The following SPAG6 variants were observed in gnomAD, a reference collection of about 807,000 sequenced individuals.
The protein encoded by SPAG6 is sperm associated antigen 6.
SPAG6 carries 49 observed loss-of-function variants against 58.5 expected under a neutral mutation model. The ratio of observed to expected loss-of-function variants is 0.84; its 90% CI spans 0.67 to 1.06. The LOEUF is 1.06. SPAG6 is among the 50% of genes least tolerant of loss of function. The pLI is 0.00. For synonymous variants in SPAG6, 233 were observed against 225.6 expected (o/e 1.03, Z -0.29); for missense variants, 560 against 611.3 (o/e 0.92, Z 0.89).
chr10:22,379,925 G>A (rs1261453600), intron 4 of SPAG6, among the ~76,000 whole-genome samples: 1 of 152,084 alleles, frequency 6.6e-6, no homozygotes, highest in Non-Finnish European at 1.5e-5. Context: ...CTCCCGAGTA[G>A]CTGAGACTAC....
intron 2 of SPAG6, among the ~76,000 whole-genome samples, chr10:22,362,794 C>G (rs1247637489): frequency 6.6e-6 from 1 of 151,868 alleles, no homozygotes; most frequent in African/African-American, 2.4e-5. Context: ...ACAATGTCAG[C>G]CCAAGCCCTG....
At chr10:22,353,295 A>T (rs555808565) in intron 2 of SPAG6, among the ~76,000 whole-genome samples, 14 of 152,210 alleles carry the variant, frequency 9.2e-5, no homozygotes, top group Non-Finnish European at 1.8e-4. Flanking sequence ...GATGGATGTA[A>T]TTAGGTATTT....
intron 6 of SPAG6, 43 bp from the exon 7 acceptor site, chr10:22,389,117 A>T (rs577620043): frequency 6.3e-6 from 10 of 1,585,972 alleles, no homozygotes; most frequent in South Asian, 3.4e-5. Flanking sequence ...TTTAAAGACC[A>T]TCATAGGGTC....
intron 8 of SPAG6, among the ~76,000 whole-genome samples, chr10:22,400,514 G>A (rs931875987): frequency 9.2e-5 from 14 of 151,794 alleles, no homozygotes; most frequent in Non-Finnish European, 4.4e-5. Flanking sequence ...TGCAGGAGGG[G>A]GTAGAAATGG....
intron 4 of SPAG6, among the ~76,000 whole-genome samples, chr10:22,383,483 C>CA (rs1457057925): frequency 6.6e-6 from 1 of 151,716 alleles, no homozygotes; most frequent in Non-Finnish European, 1.5e-5. Context: ...ACTAAAAATA[C>CA]AAAAAATTAG....
chr10:22,388,214 G>T (rs1384069314), intron 6 of SPAG6, among the ~76,000 whole-genome samples: 2 of 151,614 alleles, frequency 1.3e-5, no homozygotes, highest in African/African-American at 2.4e-5. Flanking sequence ...CCTAACCTCT[G>T]CCCACTAGAT....
intron 9 of SPAG6, among the ~76,000 whole-genome samples, chr10:22,407,067 C>A (rs1180846044): frequency 6.6e-6 from 1 of 152,094 alleles, no homozygotes; most frequent in Non-Finnish European, 1.5e-5. Context: ...ATATAGCACA[C>A]TGATGTGTCT....
chr10:22,382,097 C>T (rs779720426), intron 4 of SPAG6, among the ~76,000 whole-genome samples: 5 of 152,072 alleles, frequency 3.3e-5, no homozygotes, highest in South Asian at 2.1e-4. Flanking sequence ...CAAGTTTTTA[C>T]GGATCAAAAA....
At chr10:22,377,815 T>C (rs1245428261) in intron 4 of SPAG6, among the ~76,000 whole-genome samples, 1 of 152,230 alleles carries the variant, frequency 6.6e-6, no homozygotes, top group East Asian at 1.9e-4. Context: ...TCAGGGTACC[T>C]GTGGCCTTTT....
chr10:22,412,346 A>G, intron 10 of SPAG6: 1 of 614,898 alleles, frequency 1.6e-6, no homozygotes, highest in Non-Finnish European at 2.8e-6. Flanking sequence ...TTCCTGTTTA[A>G]TATCAATGGT....
chr10:22,390,867 A>T (rs116032105), intron 7 of SPAG6, among the ~76,000 whole-genome samples: 1,819 of 152,310 alleles, frequency 0.012, 32 homozygotes, highest in African/African-American at 0.041. Context: ...GAATAAAAGT[A>T]TATATGATGA....
Position 22,387,803 on chromosome 10 carries a change from GTTT to G in SPAG6, c.679-12_679-10del. The G allele has an allele frequency of 7.4e-7, 1 of 1,357,960 alleles. No individual in the cohort carries two copies. The highest frequency in any genetic ancestry group is 2.7e-5 in the East Asian group (1 of 37,684). 84.1% of individuals were successfully genotyped at this position (1,357,960 alleles called of 1,614,324 possible). A position where few individuals can be genotyped will look rare whatever the true frequency, so the allele number is the denominator to read the frequency against. The stretch of plus-strand genomic sequence containing the variant: ...TGCTATATAGTGTTTTGTTGTTGTT[GTTT>G]TTTTTTTGCTTCACAGCATCAGATC... On this transcript the variant is annotated splice_polypyrimidine_tract_variant and intron_variant, in intron 5 of 10. Transcript: ENST00000376624.
chr10:22,360,467 A>C (rs79792443), intron 2 of SPAG6, among the ~76,000 whole-genome samples: 22 of 145,774 alleles, frequency 1.5e-4, no homozygotes, highest in South Asian at 2.2e-4. Context: ...CCATGTCACA[A>C]AAAAAAAAAA....
At chr10:22,363,436 G>A (rs1837097963) in intron 2 of SPAG6, among the ~76,000 whole-genome samples, 1 of 152,178 alleles carries the variant, frequency 6.6e-6, no homozygotes, top group Non-Finnish European at 1.5e-5. Context: ...CCAAGTGTGG[G>A]CAGGGGCTCT....
intron 4 of SPAG6, among the ~76,000 whole-genome samples, chr10:22,383,366 G>A (rs920138563): frequency 4.6e-5 from 7 of 152,092 alleles, no homozygotes; most frequent in South Asian, 2.1e-4. Context: ...AAACCTGGGC[G>A]CAGTGGCTCA....
chr10:22,360,209 A>G (rs1205796898), intron 2 of SPAG6, among the ~76,000 whole-genome samples: 1 of 151,764 alleles, frequency 6.6e-6, no homozygotes, highest in South Asian at 2.1e-4. Flanking sequence ...ATGTATCCCT[A>G]TTGCTTGCTA....
intron 2 of SPAG6, among the ~76,000 whole-genome samples, chr10:22,362,600 C>T (rs971223072): frequency 6.6e-6 from 1 of 151,656 alleles, no homozygotes; most frequent in Non-Finnish European, 1.5e-5. Flanking sequence ...AAAAATTAGT[C>T]AGGTGCAGTG....
At chr10:22,362,925 T>C (rs1203315155) in intron 2 of SPAG6, among the ~76,000 whole-genome samples, 6 of 151,864 alleles carry the variant, frequency 4.0e-5, no homozygotes, top group African/African-American at 1.2e-4. Flanking sequence ...CAAATCAAAA[T>C]CACAATGAGA....
chr10:22,354,006 G>T (rs1203545958), intron 2 of SPAG6, among the ~76,000 whole-genome samples: 1 of 152,184 alleles, frequency 6.6e-6, no homozygotes, highest in Admixed American at 6.5e-5. Context: ...GCAAGGAGAG[G>T]AGAGTCAGTC....
Sources: gnomAD v4.1 joint callset for allele counts (sites outside exome capture counted in the v4.1 genomes callset) on GRCh38, gnomAD v4.1.1 for gene constraint, MANE v1.5 for transcripts, NCBI Gene and HGNC (gene_info 2026-07-23, HGNC 2026-07-21) for gene names.